The following OXR1 variants were observed in gnomAD, a reference collection of about 807,000 sequenced individuals.
The protein encoded by OXR1 is oxidation resistance 1.
A neutral mutation model predicts 104.6 loss-of-function variants in OXR1; 41 were observed. The ratio of observed to expected loss-of-function variants is 0.39; its 90% CI spans 0.31 to 0.51. The LOEUF (loss-of-function observed/expected upper bound fraction) is 0.51, where lower values mean the gene tolerates loss of function less well. Ranked by LOEUF, OXR1 falls within the 20% of genes least tolerant of loss-of-function variation. The pLI, the probability that OXR1 is intolerant of heterozygous loss-of-function variation, is 0.77. For missense variants in OXR1, 955 were observed against 1,031.9 expected, an observed-to-expected ratio of 0.93 and a Z score of 1.02; for synonymous variants, 348 against 348.4, an observed-to-expected ratio of 1.00 and a Z score of 0.01.
chr8:106,630,045 C>G (rs192014125), intron 3 of OXR1, among the ~76,000 whole-genome samples: 11 of 152,160 alleles, frequency 7.2e-5, no homozygotes, highest in Non-Finnish European at 1.3e-4. Flanking sequence ...CAATTTACCC[C>G]CTTTGTCTCT....
In OXR1 at chr8:106,391,165, G is replaced by A. The variant is rs558929735; in HGVS notation, c.23+31529G>A. On this transcript the variant is annotated intron_variant, in intron 2 of 16. Transcript: ENST00000517566. Reference sequence around the variant, plus strand: ...GTGAGTTGATAATTATTAAAGATGTGTGATGACTTGATAATTATTGAATCA... The same window carrying A: ...GTGAGTTGATAATTATTAAAGATGTATGATGACTTGATAATTATTGAATCA... Among the ~76,000 whole-genome samples the A allele has an allele frequency of 2.9e-4, 44 of 152,266 alleles. No individual in the cohort carries two copies. In the South Asian group the frequency reaches 8.5e-3, roughly 29 times the overall value.
chr8:106,742,994 G>T (rs1388367825), intron 15 of OXR1, among the ~76,000 whole-genome samples: 1 of 152,154 alleles, frequency 6.6e-6, no homozygotes, highest in Non-Finnish European at 1.5e-5. Flanking sequence ...ACTATCATCA[G>T]AGTGAACAGA....
At chr8:106,615,950 T>C (rs1821185050) in intron 3 of OXR1, among the ~76,000 whole-genome samples, 1 of 151,748 alleles carries the variant, frequency 6.6e-6, no homozygotes, top group Non-Finnish European at 1.5e-5. Context: ...TTTAATGTAG[T>C]AGAATGGAAT....
intron 3 of OXR1, among the ~76,000 whole-genome samples, chr8:106,619,459 A>G (rs1339527260): frequency 6.6e-6 from 1 of 152,216 alleles, no homozygotes; most frequent in Admixed American, 6.5e-5. Flanking sequence ...TTTATACAAA[A>G]TTATCAAGTG....
In OXR1 at chr8:106,427,463, G is replaced by C. The variant is rs116881299; in HGVS notation, c.23+67827G>C. ...ATTACAGGCATGAATTGATTTTTAA[G>C]AGAATAAAAGAGACTGATAGATTCT... On this transcript the variant is annotated intron_variant, in intron 2 of 16. Coordinates refer to ENST00000517566, the MANE Select transcript of OXR1 (RefSeq NM_001198533.2). Among the ~76,000 whole-genome samples, 162 of 152,212 alleles carry C rather than the reference G, an allele frequency of 1.1e-3. 2 individuals carry two copies. The East Asian group carries it at 0.029, about 27-fold the overall frequency.
intron 3 of OXR1, among the ~76,000 whole-genome samples, chr8:106,541,133 A>T (rs1006908310): frequency 6.6e-6 from 1 of 152,210 alleles, no homozygotes; most frequent in Non-Finnish European, 1.5e-5. Flanking sequence ...AGGACAGTGG[A>T]CTATGTGCTT....
intron 2 of OXR1, among the ~76,000 whole-genome samples, chr8:106,385,246 C>A (rs1586590760): frequency 1.3e-5 from 2 of 152,218 alleles, no homozygotes; most frequent in East Asian, 3.9e-4. Flanking sequence ...TGACAATTAC[C>A]TAATTTGAGG....
intron 2 of OXR1, among the ~76,000 whole-genome samples, chr8:106,373,409 A>G (rs1816786514): frequency 6.6e-6 from 1 of 152,214 alleles, no homozygotes; most frequent in African/African-American, 2.4e-5. Flanking sequence ...GGTTTTAGTG[A>G]GGAATCAGGT....
At chr8:106,735,867 T>G (rs1463478955) in intron 11 of OXR1, among the ~76,000 whole-genome samples, 13 of 152,126 alleles carry the variant, frequency 8.5e-5, no homozygotes, top group Non-Finnish European at 1.5e-5. Context: ...AATCAAAATG[T>G]TAAAAATAGT....
chr8:106,337,487 A>G lies in OXR1; in HGVS notation c.-138-21989A>G, dbSNP rs552702978. On this transcript the variant is annotated intron_variant, in intron 1 of 16. Coordinates refer to ENST00000517566, the MANE Select transcript of OXR1 (RefSeq NM_001198533.2). ...TAAACTTGAGATTCTTCAAATGGCC[A>G]GACGAGGATCACACAACTTACTGAC... Among the ~76,000 whole-genome samples, 4 of 152,340 alleles carry G rather than the reference A, an allele frequency of 2.6e-5. No homozygotes were observed. The East Asian group carries it at 5.8e-4, about 22-fold the overall frequency.
chr8:106,698,029 T>C, intron 7 of OXR1: 4 of 1,594,436 alleles, frequency 2.5e-6, no homozygotes, highest in Non-Finnish European at 3.4e-6. Flanking sequence ...TGGGTGGCGG[T>C]GGCTGCGGGG....
rs925309975 is a variant in OXR1 at position 106,270,196 on chromosome 8, C to G, written c.-310C>G. 4 of 152,232 alleles carry G rather than the reference C, an allele frequency of 2.6e-5. No homozygotes were observed. Among genetic ancestry groups the G allele is most frequent in the African/African-American group, 9.6e-5 (4 of 41,458 alleles). The allele number at this position is 152,232 out of a possible 1,614,324, so 9.4% of individuals were successfully genotyped here. ...ACTGAGCATGTCTGCAAGCGCTCAG[C>G]GGCGCCGGCAGCAGCGGGGCTAGAG... On this transcript the variant is annotated 5_prime_UTR_variant, in exon 1 of 17. Coordinates refer to ENST00000517566, the MANE Select transcript of OXR1 (RefSeq NM_001198533.2).
intron 2 of OXR1, among the ~76,000 whole-genome samples, chr8:106,436,381 C>A (rs1819568878): frequency 6.6e-6 from 1 of 152,048 alleles, no homozygotes; most frequent in Non-Finnish European, 1.5e-5. Flanking sequence ...GGCTCAACAG[C>A]CCAAAGTTGT....
At chr8:106,513,853 G>A (rs1488524648) in intron 2 of OXR1, among the ~76,000 whole-genome samples, 1 of 152,098 alleles carries the variant, frequency 6.6e-6, no homozygotes. Context: ...TTTTATACCC[G>A]TTTTATAGAT....
intron 2 of OXR1, among the ~76,000 whole-genome samples, chr8:106,491,642 A>G (rs1177625986): frequency 6.6e-6 from 1 of 152,166 alleles, no homozygotes; most frequent in Non-Finnish European, 1.5e-5. Flanking sequence ...TATGTGTCAC[A>G]CACTTTGATA....
At chr8:106,293,827 T>G (rs750638161) in intron 1 of OXR1, among the ~76,000 whole-genome samples, 11 of 152,130 alleles carry the variant, frequency 7.2e-5, no homozygotes, top group Non-Finnish European at 1.2e-4. Flanking sequence ...AGGTTGGAGC[T>G]TTCATGACCT....
At chr8:106,555,947 T>TAC (rs1554593268) in intron 3 of OXR1, among the ~76,000 whole-genome samples, 611 of 41,072 alleles carry the variant, frequency 0.015, 4 homozygotes, top group South Asian at 0.025. Context: ...TATATATATA[T>TAC]ACACAATGGA....
intron 3 of OXR1, among the ~76,000 whole-genome samples, chr8:106,546,568 G>A (rs1815374473): frequency 6.6e-6 from 1 of 152,180 alleles, no homozygotes; most frequent in Non-Finnish European, 1.5e-5. Flanking sequence ...GGGGAAAAGC[G>A]AGCTGGAAGG....
At chr8:106,670,566 T>G (rs1818242048) in intron 3 of OXR1, among the ~76,000 whole-genome samples, 1 of 152,098 alleles carries the variant, frequency 6.6e-6, no homozygotes, top group African/African-American at 2.4e-5. Flanking sequence ...AGTTACAAAC[T>G]ATGAGAAAGA....
Sources: allele counts gnomAD v4.1 joint callset (sites outside exome capture counted in the v4.1 genomes callset), GRCh38; gene constraint gnomAD v4.1.1; transcripts MANE v1.5; gene names NCBI Gene and HGNC (gene_info 2026-07-23, HGNC 2026-07-21).